Variants in RAD52 observed in about 807,000 individuals in gnomAD.
RAD52 encodes the protein DNA repair protein RAD52 homolog.
Under a neutral mutation model 55.5 loss-of-function variants are expected in RAD52, and 47 were observed. That is an observed-to-expected ratio of 0.85 (90% CI 0.67 to 1.08). The LOEUF is 1.08. Ranked by LOEUF, RAD52 falls within the 50% of genes least tolerant of loss-of-function variation. RAD52 has a pLI of 0.00. For synonymous variants in RAD52, 184 were observed against 198.9 expected, an observed-to-expected ratio of 0.92 and a Z score of 0.63; for missense variants, 468 against 522.8, an observed-to-expected ratio of 0.90 and a Z score of 1.02.
intron 1 of RAD52, among the ~76,000 whole-genome samples, chr12:973,157 C>T (rs758703167): frequency 6.6e-6 from 1 of 151,618 alleles, no homozygotes; most frequent in Non-Finnish European, 1.5e-5. Flanking sequence ...GCAAGCTCCC[C>T]CTCCCGGGTT....
chr12:969,824 G>A (rs138518906), intron 1 of RAD52, among the ~76,000 whole-genome samples: 6 of 151,638 alleles, frequency 4.0e-5, no homozygotes, highest in African/African-American at 1.2e-4. Flanking sequence ...ATGTGTATAC[G>A]ATATTAAGAG....
Position 927,216 on chromosome 12 carries a change from G to A in RAD52, c.396C>T (p.Leu132=), listed in dbSNP as rs1957085115. 2 of 1,614,028 alleles carry A rather than the reference G, an allele frequency of 1.2e-6. No individual in the cohort carries two copies. The highest frequency in any genetic ancestry group is 4.5e-5 in the East Asian group (2 of 44,890). ...EDVGYGVSEG[L]KSKALSLEKA... ...TCTCCAAAGATAAAGCCTTGGACTT[G>A]AGGCCCTCACTAACACCATAACCAA... Residue 132 remains leucine (L), a synonymous_variant, in exon 6 of 12, where the codon CTC becomes CTT. Coordinates refer to ENST00000358495, the MANE Select transcript of RAD52 (RefSeq NM_134424.4).
At chr12:972,572 C>T (rs542576582) in intron 1 of RAD52, among the ~76,000 whole-genome samples, 1 of 151,578 alleles carries the variant, frequency 6.6e-6, no homozygotes, top group African/African-American at 2.4e-5. Context: ...CGAGACCATC[C>T]TGGCTAACAC....
rs189711952 is a variant in RAD52 at position 919,675 on chromosome 12, C to T, written c.544-2855G>A. Among the ~76,000 whole-genome samples the T allele has an allele frequency of 8.2e-3, 1,001 of 121,464 alleles. 128 individuals are homozygous for T. Among genetic ancestry groups the T allele is most frequent in the African/African-American group, 0.032 (951 of 29,518 alleles). 79.7% of individuals were successfully genotyped at this position (121,464 alleles called of 152,430 possible). A position where few individuals can be genotyped will look rare whatever the true frequency, so the allele number is the denominator to read the frequency against. On this transcript the variant is annotated intron_variant, in intron 7 of 11. Coordinates refer to ENST00000358495, the MANE Select transcript of RAD52 (RefSeq NM_134424.4). ...CTGAGGCACGAGAATCGCTTGAACC[C>T]GGGAGGCGGAGGTTGCAGTGAGCCA...
intron 1 of RAD52, among the ~76,000 whole-genome samples, chr12:958,463 G>A (rs1037548688): frequency 4.6e-5 from 7 of 152,130 alleles, no homozygotes; most frequent in East Asian, 1.9e-4. Flanking sequence ...TGATCCACCC[G>A]CCTTGGCCTT....
intron 1 of RAD52, among the ~76,000 whole-genome samples, chr12:959,395 C>T (rs1383896506): frequency 6.6e-6 from 1 of 152,140 alleles, no homozygotes; most frequent in Non-Finnish European, 1.5e-5. Flanking sequence ...ACTAAGAATA[C>T]ATTTGTGAAT....
intron 1 of RAD52, among the ~76,000 whole-genome samples, chr12:969,648 G>A (rs760782198): frequency 6.6e-6 from 1 of 151,636 alleles, no homozygotes; most frequent in African/African-American, 2.4e-5. Context: ...AAAATTAGCC[G>A]GGCATGCTGT....
At chr12:931,418 C>T in intron 2 of RAD52, 97 bp from the exon 3 acceptor site, 1 of 853,070 alleles carries the variant, frequency 1.2e-6, no homozygotes, top group East Asian at 2.8e-5. Flanking sequence ...CTTAAAAAGA[C>T]CCCCCAGAAC....
intron 1 of RAD52, chr12:989,788 C>G (rs370580901): frequency 2.6e-5 from 4 of 152,294 alleles, no homozygotes; most frequent in African/African-American, 9.6e-5. Flanking sequence ...TCTATTGACT[C>G]CTAGTTGAAT....
chr12:970,125 T>TG (rs1451108269), intron 1 of RAD52, among the ~76,000 whole-genome samples: 1 of 150,932 alleles, frequency 6.6e-6, no homozygotes, highest in Non-Finnish European at 1.5e-5. Flanking sequence ...CTGTCCAACA[T>TG]GCGAAACCCT....
At chr12:917,608 C>T (rs1015224571) in intron 7 of RAD52, among the ~76,000 whole-genome samples, 7 of 151,782 alleles carry the variant, frequency 4.6e-5, no homozygotes, top group African/African-American at 1.7e-4. Flanking sequence ...TTTGGCCAGG[C>T]ACGTTGACTC....
At chr12:941,829 G>T (rs996395752) in intron 1 of RAD52, among the ~76,000 whole-genome samples, 15 of 151,890 alleles carry the variant, frequency 9.9e-5, no homozygotes, top group African/African-American at 3.1e-4. Context: ...TAGAGACGGG[G>T]TTTCACCATG....
At chr12:923,591 AAAG>A (rs1956854947) in intron 7 of RAD52, among the ~76,000 whole-genome samples, 1 of 149,590 alleles carries the variant, frequency 6.7e-6, no homozygotes, top group South Asian at 2.1e-4. Context: ...AAAAAAAAGG[AAAG>A]AAAGTGGAAG....
intron 1 of RAD52, among the ~76,000 whole-genome samples, chr12:963,832 A>G (rs1034388793): frequency 2.6e-5 from 4 of 152,124 alleles, no homozygotes; most frequent in African/African-American, 9.7e-5. Flanking sequence ...AGTAAAAAAA[A>G]AAAGAAAGAA....
intron 1 of RAD52, among the ~76,000 whole-genome samples, chr12:985,221 G>A (rs1959071656): frequency 6.6e-6 from 1 of 152,214 alleles, no homozygotes; most frequent in Non-Finnish European, 1.5e-5. Flanking sequence ...GTTCACCACA[G>A]CCTTGATCTC....
intron 1 of RAD52, among the ~76,000 whole-genome samples, chr12:981,867 A>G (rs952823630): frequency 6.6e-6 from 1 of 152,242 alleles, no homozygotes; most frequent in Non-Finnish European, 1.5e-5. Context: ...CTTTGGCTTG[A>G]CGCTCTGCCC....
intron 7 of RAD52, among the ~76,000 whole-genome samples, chr12:917,779 A>C (rs1246182455): frequency 1.3e-5 from 2 of 150,944 alleles, no homozygotes; most frequent in Non-Finnish European, 3.0e-5. Flanking sequence ...ACAAAAAAAA[A>C]AAAAAAAAAA....
rs143945069 is a variant in RAD52, at chr12:926,137, G to C, written c.468-612C>G. ...CCTGGGGCTGGATTCCTCATAAACA[G>C]CTTAGTGCCATCCCCTTGGTGTTGA... On this transcript the variant is annotated intron_variant, in intron 6 of 11. Transcript: ENST00000358495. Among the ~76,000 whole-genome samples the C allele has an allele frequency of 3.3e-5, 5 of 152,196 alleles. No homozygotes were observed. The East Asian group carries it at 9.7e-4, about 29-fold the overall frequency.
chr12:948,592 A>G (rs944723470), intron 1 of RAD52, among the ~76,000 whole-genome samples: 13 of 152,152 alleles, frequency 8.5e-5, no homozygotes, highest in Admixed American at 6.6e-4. Flanking sequence ...CAGGAGGCGG[A>G]CGTTGCAGTG....
Sources: gnomAD v4.1 joint callset for allele counts (sites outside exome capture counted in the v4.1 genomes callset) on GRCh38, gnomAD v4.1.1 for gene constraint, MANE v1.5 for transcripts, NCBI Gene and HGNC (gene_info 2026-07-23, HGNC 2026-07-21) for gene names.